The following ANKRD30B variants were observed in gnomAD, a reference collection of about 807,000 sequenced individuals.
ANKRD30B encodes ankyrin repeat domain 30B.
In ANKRD30B, 144 loss-of-function variants were observed where a neutral mutation model predicts 202.2. The ratio of observed to expected loss-of-function variants is 0.71; its 90% confidence interval spans 0.62 to 0.82. The LOEUF (loss-of-function observed/expected upper bound fraction) is 0.82, where lower values mean the gene tolerates loss of function less well. ANKRD30B is among the 40% of genes least tolerant of loss of function. ANKRD30B has a pLI of 0.00. For missense variants in ANKRD30B, 1,487 were observed against 1,669.1 expected, an observed-to-expected ratio of 0.89 and a Z score of 1.90; for synonymous variants, 508 against 561.3, an observed-to-expected ratio of 0.91 and a Z score of 1.34.
At chr18:14,887,072 G>T in the ANKRD30B span, among the ~76,000 whole-genome samples, 2 of 152,056 alleles carry the variant, frequency 1.3e-5, no homozygotes, top group African/African-American at 4.8e-5. Flanking sequence ...CAAATATTTT[G>T]AAATTAAAAC....
chr18:14,830,945 G>A (rs1197203554), intron 33 of ANKRD30B, among the ~76,000 whole-genome samples: 3 of 151,856 alleles, frequency 2.0e-5, no homozygotes, highest in Non-Finnish European at 4.4e-5. Context: ...CACTTTGGGA[G>A]GCCGAGGCGG....
the ANKRD30B span, among the ~76,000 whole-genome samples, chr18:14,861,981 C>A: frequency 6.6e-6 from 1 of 152,206 alleles, no homozygotes; most frequent in Non-Finnish European, 1.5e-5. Flanking sequence ...ATATCAAGAA[C>A]TCTCAGAACC....
chr18:14,855,290 TC>T (rs1415562574), downstream of ANKRD30B, among the ~76,000 whole-genome samples: 1 of 152,224 alleles, frequency 6.6e-6, no homozygotes. Flanking sequence ...AAATGGAGTC[TC>T]CTATGTCTAC....
the ANKRD30B span, among the ~76,000 whole-genome samples, chr18:14,932,423 G>A: frequency 6.6e-6 from 1 of 152,054 alleles, no homozygotes; most frequent in Non-Finnish European, 1.5e-5. Context: ...TGCAAGCTCC[G>A]CCTCCCGGGT....
chr18:14,762,285 T>A (rs1173880966), intron 6 of ANKRD30B, among the ~76,000 whole-genome samples: 2 of 152,198 alleles, frequency 1.3e-5, no homozygotes, highest in African/African-American at 4.8e-5. Context: ...TGTGACAAAG[T>A]GACTTGTGTC....
rs1388697708 is a variant in ANKRD30B, at chr18:14,796,257, CT to C, written c.1854+12del. ...AAAGATGGTCTTCTGAAGGTAATAA[CT>C]TTTATATTGCTATCTTGAATACTAA... On this transcript the variant is annotated intron_variant, in intron 17 of 43. Coordinates refer to ENST00000690538, the MANE Select transcript of ANKRD30B (RefSeq NM_001367607.2). 6.2e-7 allele frequency: 1 copy of C among 1,607,024 alleles called. No individual in the cohort carries two copies. Among genetic ancestry groups the C allele is most frequent in the Non-Finnish European group, 8.5e-7 (1 of 1,174,210 alleles).
At chr18:14,781,167 T>G (rs569197234) in intron 11 of ANKRD30B, among the ~76,000 whole-genome samples, 1 of 152,382 alleles carries the variant, frequency 6.6e-6, no homozygotes, top group Non-Finnish European at 1.5e-5. Flanking sequence ...AAGTTTTCCT[T>G]ACTACTTTTT....
chr18:14,766,505 A>AAAGAAAAGAAAAGAG (rs1916239938), intron 7 of ANKRD30B, among the ~76,000 whole-genome samples: 1 of 150,594 alleles, frequency 6.6e-6, no homozygotes, highest in South Asian at 2.1e-4. Context: ...AAAGAAAAGA[A>AAAGAAAAGAAAAGAG]AAGAAAAGAA....
chr18:14,760,651 G>T (rs1915108131), intron 6 of ANKRD30B, 33 bp downstream of exon 6: 3 of 1,425,014 alleles, frequency 2.1e-6, no homozygotes, highest in Non-Finnish European at 2.9e-6. Flanking sequence ...ACTCTTGATG[G>T]TGCTACCATA....
At chr18:14,790,684 G>T (rs1313007970) in intron 15 of ANKRD30B, among the ~76,000 whole-genome samples, 1 of 152,036 alleles carries the variant, frequency 6.6e-6, no homozygotes, top group Non-Finnish European at 1.5e-5. Flanking sequence ...TTATATGCTG[G>T]ATTACATTTA....
the ANKRD30B span, among the ~76,000 whole-genome samples, chr18:14,893,046 T>G: frequency 2.0e-5 from 3 of 152,208 alleles, no homozygotes; most frequent in Admixed American, 6.5e-5. Context: ...GAGAATATAC[T>G]TATATTCTTA....
chr18:14,800,602 G>A (rs1446548958), intron 22 of ANKRD30B, among the ~76,000 whole-genome samples: 11 of 150,484 alleles, frequency 7.3e-5, no homozygotes, highest in Non-Finnish European at 1.5e-4. Context: ...GGGATTAGAG[G>A]CGTGAGCCAC....
At chr18:14,789,766 C>T (rs1484964699) in intron 15 of ANKRD30B, among the ~76,000 whole-genome samples, 1 of 152,104 alleles carries the variant, frequency 6.6e-6, no homozygotes, top group African/African-American at 2.4e-5. Context: ...GTTTTGGTAC[C>T]AGTACCACGC....
chr18:14,774,338 C>T (rs1023704961), intron 9 of ANKRD30B, among the ~76,000 whole-genome samples: 4 of 152,224 alleles, frequency 2.6e-5, no homozygotes, highest in South Asian at 4.1e-4. Context: ...GGTCACGTCT[C>T]TTGTTTGTTT....
chr18:14,790,899 G>C (rs1968450831), intron 15 of ANKRD30B, among the ~76,000 whole-genome samples: 1 of 151,984 alleles, frequency 6.6e-6, no homozygotes, highest in Non-Finnish European at 1.5e-5. Flanking sequence ...GATGATGCTG[G>C]CCTCATAAAA....
At chr18:14,825,793 T>C (rs1465574882) in intron 32 of ANKRD30B, among the ~76,000 whole-genome samples, 1 of 152,236 alleles carries the variant, frequency 6.6e-6, no homozygotes, top group Non-Finnish European at 1.5e-5. Flanking sequence ...AAGTTTGTAT[T>C]TCCAGTGGCA....
rs1969034531 is a variant in ANKRD30B at position 14,797,967 on chromosome 18, T to A, written c.2029+113T>A. 1.1e-5 allele frequency: 11 copies of A among 1,034,068 alleles called. No individual in the cohort carries two copies. The South Asian group carries it at 1.7e-4, about 16-fold the overall frequency. The allele number at this position is 1,034,068 out of a possible 1,614,324, so 64.1% of individuals were successfully genotyped here. Reference sequence around the variant, plus strand: ...TCTTTTGAAAATTTGATGGGAAAATTTGATACAAATAATGCCAATGTTAGT... The same window carrying A: ...TCTTTTGAAAATTTGATGGGAAAATATGATACAAATAATGCCAATGTTAGT... On this transcript the variant is annotated intron_variant, in intron 20 of 43. Coordinates refer to ENST00000690538, the MANE Select transcript of ANKRD30B (RefSeq NM_001367607.2).
chr18:14,840,969 A>G (rs559589124), intron 37 of ANKRD30B, among the ~76,000 whole-genome samples: 2 of 152,256 alleles, frequency 1.3e-5, no homozygotes, highest in Non-Finnish European at 2.9e-5. Context: ...TACATGAGGG[A>G]ACAAGAAGCA....
chr18:14,822,815 G>A, intron 32 of ANKRD30B, 138 bp downstream of exon 32: 1 of 1,187,374 alleles, frequency 8.4e-7, no homozygotes, highest in African/African-American at 1.6e-5. Flanking sequence ...GCCAATGTTA[G>A]TATTCATGTT....
Sources: gnomAD v4.1 joint callset for allele counts (sites outside exome capture counted in the v4.1 genomes callset) on GRCh38, gnomAD v4.1.1 for gene constraint, MANE v1.5 for transcripts, NCBI Gene and HGNC (gene_info 2026-07-23, HGNC 2026-07-21) for gene names.